The following TSKS variants were observed in gnomAD, a reference collection of about 807,000 sequenced individuals.
TSKS encodes the protein testis specific serine kinase substrate.
TSKS carries 27 observed loss-of-function variants against 68.0 expected under a neutral mutation model. The observed-to-expected ratio is 0.40, with a 90% confidence interval of 0.29 to 0.55. The LOEUF (loss-of-function observed/expected upper bound fraction) is 0.55, where lower values mean the gene tolerates loss of function less well. TSKS is among the 20% of genes least tolerant of loss of function. The pLI, the probability that TSKS is intolerant of heterozygous loss-of-function variation, is 0.53. For missense variants in TSKS, 806 were observed against 776.0 expected (o/e 1.04, Z -0.46); for synonymous variants, 331 against 340.4 (o/e 0.97, Z 0.30).
chr19:49,749,229 C>T (rs1415959731), intron 2 of TSKS, among the ~76,000 whole-genome samples: 1 of 152,170 alleles, frequency 6.6e-6, no homozygotes, highest in African/African-American at 2.4e-5. Flanking sequence ...ACAACTCCGC[C>T]TCTTGAGGTT....
chr19:49,752,804 G>C (rs1433962644), intron 2 of TSKS, among the ~76,000 whole-genome samples: 1 of 152,258 alleles, frequency 6.6e-6, no homozygotes, highest in Non-Finnish European at 1.5e-5. Context: ...CCATTGGCCT[G>C]TGTAGGGTTG....
intron 4 of TSKS, 149 bp from the exon 5 acceptor site, chr19:49,747,621 G>T (rs1568562795): frequency 1.4e-6 from 1 of 732,830 alleles, no homozygotes; most frequent in Non-Finnish European, 2.3e-6. Flanking sequence ...CTAAGGGGAT[G>T]GCTTCCTCCT....
intron 7 of TSKS, 40 bp downstream of exon 7, chr19:49,745,162 G>C: frequency 6.6e-7 from 1 of 1,521,354 alleles, no homozygotes. Context: ...GGATTGCCCT[G>C]CCCCTTCCGG....
chr19:49,746,878 G>A (rs2084307231), intron 5 of TSKS, 80 bp from the exon 6 acceptor site: 1 of 1,545,894 alleles, frequency 6.5e-7, no homozygotes, highest in Non-Finnish European at 8.7e-7. Flanking sequence ...ATCCGCTCCA[G>A]TACTCCCCGA....
At chr19:49,762,378 T>C in intron 1 of TSKS, 146 bp from the exon 2 acceptor site, 1 of 610,974 alleles carries the variant, frequency 1.6e-6, no homozygotes, top group Non-Finnish European at 2.9e-6. Context: ...CTGCCTACTT[T>C]ATTCTCCTTC....
intron 2 of TSKS, among the ~76,000 whole-genome samples, chr19:49,754,500 A>C (rs2084377876): frequency 6.6e-6 from 1 of 151,826 alleles, no homozygotes; most frequent in Non-Finnish European, 1.5e-5. Flanking sequence ...CTCCATCTCA[A>C]AAAAAATAAA....
chr19:49,745,247 C>G lies in TSKS; in HGVS notation c.1142G>C (p.Arg381Pro), dbSNP rs777718032. The G allele has an allele frequency of 1.2e-6, 2 of 1,607,950 alleles. No homozygotes were observed. The highest frequency in any genetic ancestry group is 1.7e-6 in the Non-Finnish European group (2 of 1,178,920). Residue 381 changes from arginine (R) to proline (P), a missense_variant, in exon 7 of 11, where the codon CGG becomes CCG. Transcript: ENST00000246801. ...CCGACCTCGCAGCTCCTGCAAGTCC[C>G]GCGCCGTCTGTGCCTGTTCGCGCTG... ...RAQREQAQTA[R>P]DLQELRGRAD...
intron 2 of TSKS, among the ~76,000 whole-genome samples, chr19:49,751,526 G>T (rs774319997): frequency 2.0e-5 from 3 of 151,986 alleles, no homozygotes; most frequent in African/African-American, 4.8e-5. Context: ...CCACTCCCTA[G>T]CTCAGCAGGA....
intron 2 of TSKS, among the ~76,000 whole-genome samples, chr19:49,755,409 C>A (rs1330011179): frequency 6.6e-6 from 1 of 152,104 alleles, no homozygotes; most frequent in Non-Finnish European, 1.5e-5. Flanking sequence ...AAATAGGCTC[C>A]AGGGGCCGGG....
chr19:49,742,072 G>T (rs745842053), intron 8 of TSKS, 52 bp from the exon 9 acceptor site: 1 of 1,592,058 alleles, frequency 6.3e-7, no homozygotes, highest in South Asian at 1.1e-5. Flanking sequence ...ACTCCAGGAC[G>T]CCCCATGCCC....
chr19:49,758,927 G>A lies in TSKS; in HGVS notation c.399+3077C>T, dbSNP rs184534760. On this transcript the variant is annotated intron_variant, in intron 2 of 10. Transcript: ENST00000246801. ...GGCTGGAGTGCAATGGCACGATTTC[G>A]GTTCACTGCAACCTCTGCCTCCCAG... is the stretch of plus-strand genomic sequence containing the variant. Among the ~76,000 whole-genome samples, 293 of 151,638 alleles carry A rather than the reference G, an allele frequency of 1.9e-3. 2 individuals are homozygous for A. In the Middle Eastern group the frequency reaches 0.031, roughly 16 times the overall value.
chr19:49,745,435 T>C, intron 6 of TSKS, 39 bp from the exon 7 acceptor site: 1 of 1,455,274 alleles, frequency 6.9e-7, no homozygotes, highest in African/African-American at 1.4e-5. Flanking sequence ...GGGGCTAGGC[T>C]TCAACAGGTC....
Position 49,739,858 on chromosome 19 carries a change from A to G in TSKS, c.1697T>C (p.Leu566Pro). Residue 566 changes from leucine to proline, a missense_variant, in exon 11 of 11, where the codon CTT (leucine) becomes CCT (proline). Physicochemically the swap from Leu to Pro is moderately conservative, Grantham distance 98. Coordinates refer to ENST00000246801, the MANE Select transcript of TSKS (RefSeq NM_021733.2). ...SLHDHLSNLP[L>P]EGSTGTMGGG... ...CCCCATTGTTCCCGTGGACCCCTCA[A>G]GTGGCAGGTTGCTGAGATGATCGTG... The G allele has an allele frequency of 6.2e-7, 1 of 1,614,040 alleles. No homozygotes were observed. Among genetic ancestry groups the G allele is most frequent in the Non-Finnish European group, 8.5e-7 (1 of 1,179,984 alleles).
intron 1 of TSKS, 84 bp from the exon 2 acceptor site, chr19:49,762,316 C>T: frequency 1.0e-6 from 1 of 969,514 alleles, no homozygotes. Flanking sequence ...CATACCTCAC[C>T]CCCTGTGACT....
chr19:49,750,262 C>CT (rs34913477), intron 2 of TSKS, among the ~76,000 whole-genome samples: 7,918 of 136,178 alleles, frequency 0.058, 306 homozygotes, highest in African/African-American at 0.12. Context: ...CATTGACATT[C>CT]TTTTTTTTTT....
Position 49,740,160 on chromosome 19 carries a change from G to A in TSKS, c.1521C>T (p.Ala507=), listed in dbSNP as rs2084240192. The change falls in exon 10 of 11, where the codon GCC becomes GCT. Residue 507 remains alanine, a synonymous_variant. Coordinates refer to ENST00000246801, the MANE Select transcript of TSKS (RefSeq NM_021733.2). ...KILELERQAL[A]KHVRAEALSS... Reference sequence around the variant, plus strand: ...TCAGGGCCTCTGCCCTGACGTGTTTGGCTAAGGCCTGGCGCTCCAGCTCCT... The same window carrying A: ...TCAGGGCCTCTGCCCTGACGTGTTTAGCTAAGGCCTGGCGCTCCAGCTCCT... 6.2e-7 allele frequency: 1 copy of A among 1,613,648 alleles called. No homozygotes were observed. Among genetic ancestry groups the A allele is most frequent in the South Asian group, 1.1e-5 (1 of 91,058 alleles).
At chr19:49,762,421 CTTTCT>C (rs1273653807) in intron 1 of TSKS, among the ~76,000 whole-genome samples, 189 bp from the exon 2 acceptor site, 12 of 138,592 alleles carry the variant, frequency 8.7e-5, no homozygotes, top group Middle Eastern at 4.0e-3. Context: ...TTTTTTCTTT[CTTTCT>C]TTTTTTTTTT....
At chr19:49,746,825 C>T in intron 5 of TSKS, 27 bp from the exon 6 acceptor site, 1 of 1,590,584 alleles carries the variant, frequency 6.3e-7, no homozygotes, top group Non-Finnish European at 8.5e-7. Context: ...GACGGGGTCA[C>T]AGCGTCCAGC....
intron 1 of TSKS, among the ~76,000 whole-genome samples, 156 bp from the exon 2 acceptor site, chr19:49,762,388 C>T (rs2084450112): frequency 6.6e-6 from 1 of 151,202 alleles, no homozygotes; most frequent in Non-Finnish European, 1.5e-5. Context: ...TATTCTCCTT[C>T]CCTGTGCTGC....
Sources: gnomAD v4.1 joint callset for allele counts (sites outside exome capture counted in the v4.1 genomes callset) on GRCh38, gnomAD v4.1.1 for gene constraint, MANE v1.5 for transcripts, NCBI Gene and HGNC (gene_info 2026-07-23, HGNC 2026-07-21) for gene names.